The following SPATA22 variants were observed in gnomAD, a reference collection of about 807,000 sequenced individuals.
SPATA22 encodes spermatogenesis associated 22, also known as spermatogenesis-associated protein 22.
SPATA22 carries 29 observed loss-of-function variants against 47.8 expected under a neutral mutation model. The observed-to-expected ratio is 0.61, with a 90% confidence interval of 0.45 to 0.83. SPATA22 has a LOEUF of 0.83. SPATA22 is among the 40% of genes least tolerant of loss of function. SPATA22 has a pLI of 0.00. For missense variants in SPATA22, 410 were observed against 421.7 expected (o/e 0.97, Z 0.24); for synonymous variants, 133 against 140.9 (o/e 0.94, Z 0.40).
intron 3 of SPATA22, among the ~76,000 whole-genome samples, chr17:3,466,335 T>C (rs1056032912): frequency 6.6e-6 from 1 of 152,008 alleles, no homozygotes; most frequent in African/African-American, 2.4e-5. Flanking sequence ...CCCATTCCTC[T>C]TCCAGAGGAA....
At chr17:3,496,986 A>G (rs926697367) in intron 1 of SPATA22, among the ~76,000 whole-genome samples, 5 of 152,138 alleles carry the variant, frequency 3.3e-5, no homozygotes, top group African/African-American at 1.2e-4. Flanking sequence ...AAATTGCTTG[A>G]ACTCGGGAGG....
chr17:3,488,180 T>C lies in SPATA22; in HGVS notation c.-73-18782A>G, dbSNP rs143484974. On this transcript the variant is annotated intron_variant, in intron 1 of 8. Coordinates refer to the SPATA22 transcript ENST00000541913. The surrounding 1 kb of genome is among the most constrained non-coding windows in gnomAD (Gnocchi z 6.1). ...ATGGTTTGCCAAATAGAGAAGGTGATGACTGGGGAGATGACTTTGTGGGAG... is the reference window on the plus strand; with the variant it reads ...ATGGTTTGCCAAATAGAGAAGGTGACGACTGGGGAGATGACTTTGTGGGAG... Among the ~76,000 whole-genome samples, 803 of 152,226 alleles carry C rather than the reference T, an allele frequency of 5.3e-3. 36 individuals carry two copies. The East Asian group carries it at 0.1, about 19-fold the overall frequency.
chr17:3,481,805 TTAA>T, intron 1 of SPATA22: 1 of 1,573,076 alleles, frequency 6.4e-7, no homozygotes, highest in Non-Finnish European at 8.7e-7. Flanking sequence ...TAAGGTAATG[TTAA>T]TGTTATTAAT....
intron 1 of SPATA22, among the ~76,000 whole-genome samples, chr17:3,481,087 C>T (rs1182784236): frequency 6.6e-6 from 1 of 151,702 alleles, no homozygotes; most frequent in African/African-American, 2.4e-5. Flanking sequence ...TGGGCCACTG[C>T]ACTCCAGCCT....
intron 2 of SPATA22, 89 bp from the exon 3 acceptor site, chr17:3,467,643 C>T: frequency 1.0e-6 from 1 of 963,314 alleles, no homozygotes; most frequent in Non-Finnish European, 1.4e-6. Flanking sequence ...ACACACTTTA[C>T]ATTTATCTAC....
chr17:3,492,930 G>T (rs1391529941), intron 1 of SPATA22, among the ~76,000 whole-genome samples: 1 of 152,222 alleles, frequency 6.6e-6, no homozygotes, highest in East Asian at 1.9e-4. Flanking sequence ...GGAGGTGGTT[G>T]TTTGAAGCCA....
At chr17:3,483,630 A>G (rs1284864117) in intron 1 of SPATA22, 1 of 1,521,112 alleles carries the variant, frequency 6.6e-7, no homozygotes, top group South Asian at 1.1e-5. Flanking sequence ...TCAATAAAAT[A>G]TGTCCTAGCT....
chr17:3,463,015 CTAGTA>C (rs1380343241), intron 3 of SPATA22, among the ~76,000 whole-genome samples: 1 of 152,130 alleles, frequency 6.6e-6, no homozygotes, highest in African/African-American at 2.4e-5. Context: ...ACAATCAGTT[CTAGTA>C]TAGTATCTTT....
At chr17:3,487,173 C>T (rs148196273) in intron 1 of SPATA22, among the ~76,000 whole-genome samples, 3 of 152,214 alleles carry the variant, frequency 2.0e-5, no homozygotes, top group Middle Eastern at 3.4e-3. Context: ...TCCTTGAGAA[C>T]AGAGTACAAA....
chr17:3,451,250 TA>T (rs1175697194), intron 5 of SPATA22, among the ~76,000 whole-genome samples: 12 of 152,064 alleles, frequency 7.9e-5, no homozygotes, highest in Admixed American at 7.9e-4. Flanking sequence ...GTAAATTCAA[TA>T]GGAAGACATA....
Position 3,470,445 on chromosome 17 carries a change from G to A in SPATA22, c.-73-1047C>T, listed in dbSNP as rs2073401888. Among the ~76,000 whole-genome samples the A allele has an allele frequency of 3.9e-5, 6 of 152,212 alleles. No individual in the cohort carries two copies. In the South Asian group the frequency reaches 1.2e-3, roughly 32 times the overall value. ...AGGTGTTAACTTTCAAATATCGTTT[G>A]TAAAAATAAAACTTGGGAAACAGGC... On this transcript the variant is annotated intron_variant, in intron 1 of 8. Coordinates refer to ENST00000572969, the MANE Select transcript of SPATA22 (RefSeq NM_001170698.2).
chr17:3,441,818 T>C (rs1408013994), intron 8 of SPATA22: 1 of 135,330 alleles, frequency 7.4e-6, no homozygotes. Flanking sequence ...CATAGCAATA[T>C]AAATGAGTGA....
At chr17:3,480,395 C>T (rs1279978324) in intron 1 of SPATA22, among the ~76,000 whole-genome samples, 4 of 152,166 alleles carry the variant, frequency 2.6e-5, no homozygotes, top group African/African-American at 7.2e-5. Flanking sequence ...GCCAGTGAGT[C>T]GGGAGTGCTG....
chr17:3,468,783 T>G (rs2073366094), intron 2 of SPATA22: 1 of 268,284 alleles, frequency 3.7e-6, no homozygotes, highest in Non-Finnish European at 5.8e-6. Context: ...AATAAATTAA[T>G]ATATATAATT....
At chr17:3,442,240 T>G (rs1357686245) in intron 8 of SPATA22, among the ~76,000 whole-genome samples, 2 of 152,056 alleles carry the variant, frequency 1.3e-5, no homozygotes. Flanking sequence ...GATCATCAAC[T>G]ATGTGTCATG....
At chr17:3,507,126 T>A (rs1436693273) in intron 1 of SPATA22, among the ~76,000 whole-genome samples, 3 of 152,088 alleles carry the variant, frequency 2.0e-5, no homozygotes, top group Non-Finnish European at 1.5e-5. Context: ...ATGGCTTCCA[T>A]TTTCACTGTA....
exon 1 of SPATA22, chr17:3,513,556 G>A (rs1284579492): frequency 1.0e-5 from 2 of 197,448 alleles, no homozygotes; most frequent in African/African-American, 2.3e-5. Context: ...TCCTCTCCCT[G>A]CTCCTCAAGA....
In SPATA22 at chr17:3,510,377, G is replaced by C. The variant is rs187646442; in HGVS notation, c.-74+3035C>G. ...GCTTGCTGGCTCTGTTCCTAAGCCGGAACCAATGATAATGCTTCAGGTCCA... is the reference window on the plus strand; with the variant it reads ...GCTTGCTGGCTCTGTTCCTAAGCCGCAACCAATGATAATGCTTCAGGTCCA... On this transcript the variant is annotated intron_variant, in intron 1 of 8. Transcript: ENST00000541913. The C allele has an allele frequency of 9.2e-5, 14 of 152,266 alleles. No homozygotes were observed. In the East Asian group the frequency reaches 2.7e-3, roughly 29 times the overall value. 9.4% of individuals were successfully genotyped at this position (152,266 alleles called of 1,614,324 possible).
intron 8 of SPATA22, chr17:3,440,906 G>A (rs2072583658): frequency 6.6e-6 from 1 of 151,980 alleles, no homozygotes; most frequent in South Asian, 2.1e-4. Context: ...ACTGAGCAGA[G>A]ATTTCACAGA....
Sources: gnomAD v4.1 joint callset for allele counts (sites outside exome capture counted in the v4.1 genomes callset) on GRCh38, gnomAD v4.1.1 for gene constraint, Gnocchi (gnomAD v3.1) non-coding constraint, MANE v1.5 for transcripts, NCBI Gene and HGNC (gene_info 2026-07-23, HGNC 2026-07-21) for gene names.